BCL11B: variants seen among roughly 807,000 people sequenced by gnomAD.
BCL11B encodes B-cell lymphoma/leukemia 11B.
BCL11B carries 8 observed loss-of-function variants against 49.9 expected under a neutral mutation model. That is an observed-to-expected ratio of 0.16 (90% CI 0.09 to 0.29). BCL11B has a LOEUF of 0.29. BCL11B is among the 10% of genes least tolerant of loss of function. The probability of loss-of-function intolerance (pLI) is 1.00; values close to 1 mark genes in which losing one functional copy is unlikely to be tolerated. For missense variants in BCL11B, 1,006 were observed against 1,351.0 expected (o/e 0.74, Z 4.00); for synonymous variants, 739 against 637.4 (o/e 1.16, Z -2.40).
In BCL11B at chr14:99,247,127, C is replaced by A. The variant is rs1371968883; in HGVS notation, c.427+10344G>T. ...GTGGACCTTGTTTTGCTCCTCGGGG[C>A]CCGTCTGTTTCTGGAAATGACTTCT... On this transcript the variant is annotated intron_variant, in intron 2 of 3. Coordinates refer to ENST00000357195, the MANE Select transcript of BCL11B (RefSeq NM_138576.4). This position sits in a 1 kb window ranked among gnomAD's most constrained non-coding sequence, Gnocchi z 4.5. Among the ~76,000 whole-genome samples the A allele has an allele frequency of 6.6e-6, 1 of 152,142 alleles. No individual in the cohort carries two copies. The highest frequency in any genetic ancestry group is 1.5e-5 in the Non-Finnish European group (1 of 68,022).
rs756579330 is a variant in BCL11B, at chr14:99,174,472, G to C, written c.2364C>G (p.Ser788Arg). Residue 788 changes from serine (S) to arginine (R), a missense_variant, in exon 4 of 4, where the codon AGC becomes AGG. Coordinates refer to ENST00000357195, the MANE Select transcript of BCL11B (RefSeq NM_138576.4). ...HLGGPGPGRP[S>R]SKEGRRSDTC... is the part of the protein sequence containing the mutation. ...TGTCGCTGCGGCGGCCCTCCTTGGAGCTGGGCCGCCCGGGGCCCGGGCCGC... is the reference window on the plus strand; with the variant it reads ...TGTCGCTGCGGCGGCCCTCCTTGGACCTGGGCCGCCCGGGGCCCGGGCCGC... The C allele has an allele frequency of 6.3e-7, 1 of 1,598,002 alleles. No individual in the cohort carries two copies. Among genetic ancestry groups the C allele is most frequent in the African/African-American group, 1.3e-5 (1 of 74,382 alleles).
At chr14:99,177,524 G>A (rs541859371) in intron 3 of BCL11B, among the ~76,000 whole-genome samples, 2 of 150,048 alleles carry the variant, frequency 1.3e-5, no homozygotes, top group African/African-American at 2.5e-5. Flanking sequence ...GACAGGACCC[G>A]TCTTGCAGCA....
intron 1 of BCL11B, among the ~76,000 whole-genome samples, chr14:99,261,370 G>A (rs1889333592): frequency 6.6e-6 from 1 of 152,208 alleles, no homozygotes; most frequent in Non-Finnish European, 1.5e-5. Context: ...AGAAATAAAA[G>A]GAGAAAGCCA....
At chr14:99,250,166 G>A (rs1244252276) in intron 2 of BCL11B, among the ~76,000 whole-genome samples, 7 of 151,040 alleles carry the variant, frequency 4.6e-5, no homozygotes, top group Admixed American at 2.6e-4. Flanking sequence ...CTCCTGAGTA[G>A]CTGGGACTAC....
At chr14:99,204,064 C>A (rs1327876586) in intron 3 of BCL11B, among the ~76,000 whole-genome samples, 20 of 152,172 alleles carry the variant, frequency 1.3e-4, no homozygotes, top group Admixed American at 1.3e-3. Context: ...CAGGCTCTAC[C>A]CAGTGCCTGA....
intron 3 of BCL11B, among the ~76,000 whole-genome samples, chr14:99,193,762 G>A (rs1452429662): frequency 6.6e-6 from 1 of 152,230 alleles, no homozygotes; most frequent in Non-Finnish European, 1.5e-5. Flanking sequence ...AAGAGGGTTT[G>A]ATAGCACCTC....
At chr14:99,229,857 A>G (rs1888278931) in intron 3 of BCL11B, among the ~76,000 whole-genome samples, 1 of 151,956 alleles carries the variant, frequency 6.6e-6, no homozygotes, top group Non-Finnish European at 1.5e-5. Context: ...CAGAGCAGGC[A>G]CCCCCTGCTC....
intron 3 of BCL11B, among the ~76,000 whole-genome samples, chr14:99,197,228 G>C (rs1350148868): frequency 6.6e-6 from 1 of 152,132 alleles, no homozygotes; most frequent in Admixed American, 6.5e-5. Flanking sequence ...TGGTGGCAGT[G>C]GGTCAGAAGC....
At chr14:99,196,394 G>A (rs539114834) in intron 3 of BCL11B, among the ~76,000 whole-genome samples, 1 of 152,158 alleles carries the variant, frequency 6.6e-6, no homozygotes, top group African/African-American at 2.4e-5. Flanking sequence ...GGGGTGCACC[G>A]GCCACTCCTC....
At chr14:99,256,857 C>T (rs935749727) in intron 2 of BCL11B, among the ~76,000 whole-genome samples, 1 of 152,172 alleles carries the variant, frequency 6.6e-6, no homozygotes, top group Non-Finnish European at 1.5e-5. Context: ...CTGGGACCGG[C>T]CCCTGGGGTC....
At chr14:99,250,100 A>G (rs1389349580) in intron 2 of BCL11B, among the ~76,000 whole-genome samples, 1 of 137,672 alleles carries the variant, frequency 7.3e-6, no homozygotes, top group Non-Finnish European at 1.5e-5. Context: ...CAGTGGCATG[A>G]TCTCGGCTCA....
chr14:99,217,358 A>T (rs1274528709), intron 3 of BCL11B, among the ~76,000 whole-genome samples: 1 of 150,670 alleles, frequency 6.6e-6, no homozygotes, highest in African/African-American at 2.4e-5. Flanking sequence ...ATACACTCTC[A>T]CGAGTACAAA....
intron 3 of BCL11B, among the ~76,000 whole-genome samples, chr14:99,197,673 G>A (rs921425757): frequency 6.6e-6 from 1 of 152,120 alleles, no homozygotes; most frequent in African/African-American, 2.4e-5. Context: ...TCCTCGCTGC[G>A]TGAATAGAAT....
chr14:99,271,121 C>A, intron 1 of BCL11B, 40 bp downstream of exon 1: 2 of 1,519,510 alleles, frequency 1.3e-6, no homozygotes, highest in Admixed American at 2.0e-5. Flanking sequence ...CGCCCGGAGC[C>A]CCATCTCCGG....
In BCL11B at chr14:99,194,241, G is replaced by A. The variant is rs991952072; in HGVS notation, c.641-18046C>T. ...ACAGCCCCAGCACAGAGCAAGTGCT[G>A]CTGGCCCCGGACTGTCCCCCAGCAG... On this transcript the variant is annotated intron_variant, in intron 3 of 3. Coordinates refer to ENST00000357195, the MANE Select transcript of BCL11B (RefSeq NM_138576.4). The surrounding 1 kb of genome is among the most constrained non-coding windows in gnomAD (Gnocchi z 4.6). 3.9e-5 allele frequency among the ~76,000 whole-genome samples: 6 copies of A among 152,056 alleles called. No homozygotes were observed. The highest frequency in any genetic ancestry group is 1.9e-4 in the East Asian group (1 of 5,176).
rs1886356593 is a variant in BCL11B, at chr14:99,173,461, C to G, written c.*690G>C. ...CGCTTGACTCGGGACGACATGAGTG[C>G]TACATCTCCATTCCAGTTCTGAAAC... On this transcript the variant is annotated 3_prime_UTR_variant, in exon 4 of 4. Coordinates refer to ENST00000357195, the MANE Select transcript of BCL11B (RefSeq NM_138576.4). 4.6e-6 allele frequency: 1 copy of G among 216,164 alleles called. No individual in the cohort carries two copies. The highest frequency in any genetic ancestry group is 9.3e-6 in the Non-Finnish European group (1 of 107,262). 13.4% of individuals were successfully genotyped at this position (216,164 alleles called of 1,614,324 possible). A position where few individuals can be genotyped will look rare whatever the true frequency, so the allele number is the denominator to read the frequency against.
chr14:99,254,406 C>CCTT (rs1436137019), intron 2 of BCL11B, among the ~76,000 whole-genome samples: 5 of 152,196 alleles, frequency 3.3e-5, no homozygotes. Context: ...GTGGGAGGAA[C>CCTT]CCCCTTCGGG....
chr14:99,201,274 C>T (rs1007341742), intron 3 of BCL11B, among the ~76,000 whole-genome samples: 1 of 152,158 alleles, frequency 6.6e-6, no homozygotes, highest in African/African-American at 2.4e-5. Flanking sequence ...GAAGAGTGGT[C>T]GGTAGTTAAA....
chr14:99,256,960 G>C (rs11622539), intron 2 of BCL11B, among the ~76,000 whole-genome samples: 37,831 of 151,936 alleles, frequency 0.25, 6,044 homozygotes, highest in African/African-American at 0.45. Context: ...AGAGGGGAGA[G>C]AATGAGCACT....
Sources: gnomAD v4.1 joint callset for allele counts (sites outside exome capture counted in the v4.1 genomes callset) on GRCh38, gnomAD v4.1.1 for gene constraint, Gnocchi (gnomAD v3.1) non-coding constraint, MANE v1.5 for transcripts, NCBI Gene and HGNC (gene_info 2026-07-23, HGNC 2026-07-21) for gene names.